Variants in SLC44A1 observed in about 807,000 individuals in gnomAD.
SLC44A1 encodes the protein choline transporter-like protein 1.
A neutral mutation model predicts 79.3 loss-of-function variants in SLC44A1; 26 were observed. The observed-to-expected ratio is 0.33, with a 90% CI of 0.24 to 0.46. The LOEUF (loss-of-function observed/expected upper bound fraction) is 0.46, where lower values mean the gene tolerates loss of function less well. Ranked by LOEUF, SLC44A1 falls within the 20% of genes least tolerant of loss-of-function variation. The pLI is 1.00. For synonymous variants in SLC44A1, 263 were observed against 286.2 expected (o/e 0.92, Z 0.82); for missense variants, 688 against 798.1 (o/e 0.86, Z 1.66).
intron 6 of SLC44A1, chr9:105,357,101 G>A (rs1217482519): frequency 1.3e-5 from 2 of 152,102 alleles, no homozygotes; most frequent in East Asian, 3.8e-4. Context: ...GAAGATACAA[G>A]CTGTATTTCC....
chr9:105,249,865 ATTTTTTTT>A (rs71501461), intron 1 of SLC44A1, among the ~76,000 whole-genome samples: 105 of 127,372 alleles, frequency 8.2e-4, no homozygotes, highest in Non-Finnish European at 1.5e-3. Context: ...CAGTTTACTA[ATTTTTTTT>A]TTTTTTTTTT....
At chr9:105,381,051 C>A (rs1828447597) in intron 13 of SLC44A1, among the ~76,000 whole-genome samples, 1 of 152,194 alleles carries the variant, frequency 6.6e-6, no homozygotes, top group African/African-American at 2.4e-5. Flanking sequence ...ATCTCACCAG[C>A]TTTTTGTCTC....
At chr9:105,384,857 G>A (rs573009393) in intron 14 of SLC44A1, among the ~76,000 whole-genome samples, 4 of 152,270 alleles carry the variant, frequency 2.6e-5, no homozygotes, top group Non-Finnish European at 4.4e-5. Flanking sequence ...ACTAACCATA[G>A]GTTCTGGTTG....
chr9:105,438,395 A>C (rs1358573860), exon 16 of SLC44A1: 1 of 931,346 alleles, frequency 1.1e-6, no homozygotes, highest in Non-Finnish European at 1.7e-6. Flanking sequence ...GAAGAGCAGG[A>C]TCTTATTACT....
rs530290666 is a variant in SLC44A1, at chr9:105,385,078, A to C, written c.1870-344A>C. On this transcript the variant is annotated intron_variant, in intron 14 of 15. Coordinates refer to ENST00000374720, the MANE Select transcript of SLC44A1 (RefSeq NM_080546.5). ...TTTCATTTAACCTTGATATAGAAAAAAACAACAACAACAAATAAAATGATA... is the reference window on the plus strand; with the variant it reads ...TTTCATTTAACCTTGATATAGAAAACAACAACAACAACAAATAAAATGATA... Among the ~76,000 whole-genome samples, 78 of 152,356 alleles carry C rather than the reference A, an allele frequency of 5.1e-4. No individual in the cohort carries two copies. The Middle Eastern group carries it at 0.01, about 20-fold the overall frequency.
At chr9:105,307,209 G>C (rs530388922) in intron 2 of SLC44A1, among the ~76,000 whole-genome samples, 37 of 152,174 alleles carry the variant, frequency 2.4e-4, no homozygotes, top group Non-Finnish European at 4.6e-4. Flanking sequence ...CTCTGTATTA[G>C]AGATGAGGAG....
intron 6 of SLC44A1, 72 bp from the exon 7 acceptor site, chr9:105,358,272 T>C (rs1242291802): frequency 3.4e-6 from 3 of 874,316 alleles, no homozygotes; most frequent in Non-Finnish European, 5.6e-6. Context: ...AAAGCAACCA[T>C]TTAAAGCGTT....
At position 105,263,784 on chromosome 9, in the gene SLC44A1, G is replaced by A. The variant is rs186540524; in HGVS notation, c.36+18880G>A. On this transcript the variant is annotated intron_variant, in intron 1 of 15. Coordinates refer to ENST00000374720, the MANE Select transcript of SLC44A1 (RefSeq NM_080546.5). ...ACTCCTGACCTCAGGTGATCCACCCGTCTCAGCCTCCCAAAGTGCTGGGAT... is the reference window on the plus strand; with the variant it reads ...ACTCCTGACCTCAGGTGATCCACCCATCTCAGCCTCCCAAAGTGCTGGGAT... 8.5e-3 allele frequency among the ~76,000 whole-genome samples: 1,299 copies of A among 152,052 alleles called. 24 individuals carry two copies. Among genetic ancestry groups the A allele is most frequent in the African/African-American group, 0.03 (1,242 of 41,478 alleles).
rs1829381722 is a variant in SLC44A1 at position 105,244,746 on chromosome 9, G to C, written c.-123G>C. The C allele has an allele frequency of 4.4e-6, 2 of 450,174 alleles. No homozygotes were observed. Among genetic ancestry groups the C allele is most frequent in the Admixed American group, 1.0e-4 (2 of 19,372 alleles). 27.9% of individuals were successfully genotyped at this position (450,174 alleles called of 1,614,324 possible). On this transcript the variant is annotated 5_prime_UTR_variant, in exon 1 of 16. Transcript: ENST00000374720. ...AGTACCAGCCGCCGCTGCAGCCGCC[G>C]CCGCCGCCTAGCCGTGCGGTGCCAG...
At chr9:105,255,101 G>T (rs73666617) in intron 1 of SLC44A1, among the ~76,000 whole-genome samples, 7,890 of 110,412 alleles carry the variant, frequency 0.071, 606 homozygotes, top group African/African-American at 0.22. Context: ...AGGTTTTTTT[G>T]TTTTTTTTTT....
chr9:105,433,326 T>G (rs999411031), intron 15 of SLC44A1, among the ~76,000 whole-genome samples: 2 of 151,386 alleles, frequency 1.3e-5, no homozygotes, highest in African/African-American at 4.9e-5. Flanking sequence ...CAAAAAACTT[T>G]CGCAAATCAG....
At chr9:105,352,591 T>C (rs900863076) in intron 5 of SLC44A1, among the ~76,000 whole-genome samples, 6 of 152,246 alleles carry the variant, frequency 3.9e-5, no homozygotes, top group Admixed American at 2.6e-4. Context: ...AAAGATTCAA[T>C]ATTTGGTGGA....
chr9:105,334,694 T>C (rs1013680048), intron 3 of SLC44A1, among the ~76,000 whole-genome samples: 2 of 152,220 alleles, frequency 1.3e-5, no homozygotes, highest in Non-Finnish European at 2.9e-5. Context: ...GCCCTTACTT[T>C]CTCTTTGAGC....
At chr9:105,291,015 C>G (rs1588740954) in intron 1 of SLC44A1, among the ~76,000 whole-genome samples, 1 of 152,154 alleles carries the variant, frequency 6.6e-6, no homozygotes, top group Non-Finnish European at 1.5e-5. Context: ...CACTCCAGAT[C>G]CTTGACAGAG....
chr9:105,279,126 G>C (rs1164073377), intron 1 of SLC44A1, among the ~76,000 whole-genome samples: 4 of 150,730 alleles, frequency 2.7e-5, no homozygotes, highest in Non-Finnish European at 5.9e-5. Flanking sequence ...TATTCCCCGG[G>C]AGGCGGAGCT....
intron 3 of SLC44A1, among the ~76,000 whole-genome samples, chr9:105,320,292 CTTTTTT>C (rs34573916): frequency 1.7e-5 from 2 of 119,082 alleles, no homozygotes; most frequent in African/African-American, 3.0e-5. Context: ...CAATATTTAA[CTTTTTT>C]TTTTTTTTTT....
intron 1 of SLC44A1, among the ~76,000 whole-genome samples, chr9:105,264,797 AT>A (rs34275618): frequency 0.17 from 23,728 of 141,808 alleles, 3,079 homozygotes; most frequent in African/African-American, 0.38. Context: ...CATACCTGGA[AT>A]TTTTTTTTTT....
At chr9:105,421,698 C>T (rs1829252330) in intron 15 of SLC44A1, among the ~76,000 whole-genome samples, 1 of 151,852 alleles carries the variant, frequency 6.6e-6, no homozygotes, top group Non-Finnish European at 1.5e-5. Flanking sequence ...CGCCATTCTC[C>T]TGCCTCAGCC....
chr9:105,397,760 C>A (rs898713011), downstream of SLC44A1, among the ~76,000 whole-genome samples: 1 of 151,690 alleles, frequency 6.6e-6, no homozygotes, highest in African/African-American at 2.4e-5. Flanking sequence ...CTGGCTAACA[C>A]GGTGAAACCC....
Sources: allele counts gnomAD v4.1 joint callset (sites outside exome capture counted in the v4.1 genomes callset), GRCh38; gene constraint gnomAD v4.1.1; transcripts MANE v1.5; gene names NCBI Gene and HGNC (gene_info 2026-07-23, HGNC 2026-07-21).